The following FSTL4 variants were observed in gnomAD, a reference collection of about 807,000 sequenced individuals.
The protein encoded by FSTL4 is follistatin-related protein 4.
Under a neutral mutation model 78.2 loss-of-function variants are expected in FSTL4, and 28 were observed. The observed-to-expected ratio is 0.36, with a 90% CI of 0.27 to 0.49. The LOEUF is 0.49. Ranked by LOEUF, FSTL4 falls within the 20% of genes least tolerant of loss-of-function variation. The probability of loss-of-function intolerance (pLI) is 0.98; values close to 1 mark genes in which losing one functional copy is unlikely to be tolerated. For synonymous variants in FSTL4, 422 were observed against 440.5 expected (o/e 0.96, Z 0.53); for missense variants, 922 against 1,084.9 (o/e 0.85, Z 2.11).
At chr5:133,628,438 C>A in the FSTL4 span, among the ~76,000 whole-genome samples, 8,172 of 151,612 alleles carry the variant, frequency 0.054, 253 homozygotes, top group Non-Finnish European at 0.078. Flanking sequence ...CAGCTCACTG[C>A]AATCTCCACC....
At position 133,197,423 on chromosome 5, in the gene FSTL4, T is replaced by C. The variant is rs1443095890; in HGVS notation, c.*1672A>G. 2 of 152,238 alleles carry C rather than the reference T, an allele frequency of 1.3e-5. No individual in the cohort carries two copies. Among genetic ancestry groups the C allele is most frequent in the Non-Finnish European group, 2.9e-5 (2 of 68,048 alleles). The allele number at this position is 152,238 out of a possible 1,614,324, so 9.4% of individuals were successfully genotyped here. ...AAAATAAAAAACAGACGTACCTGTC[T>C]AGGCGCACCCCTAGGAGTTACAGGG... On this transcript the variant is annotated 3_prime_UTR_variant, in exon 16 of 16. Transcript: ENST00000265342.
At chr5:133,403,543 A>C (rs2126973686) in intron 3 of FSTL4, among the ~76,000 whole-genome samples, 1 of 152,312 alleles carries the variant, frequency 6.6e-6, no homozygotes, top group Non-Finnish European at 1.5e-5. Flanking sequence ...TGATCTCCTG[A>C]AGGCTAATTC....
the FSTL4 span, among the ~76,000 whole-genome samples, chr5:133,738,513 C>A: frequency 3.9e-5 from 6 of 152,130 alleles, no homozygotes; most frequent in African/African-American, 1.2e-4. Flanking sequence ...GGCTCCAGAT[C>A]CCCTCCCCTG....
At chr5:133,357,063 G>T (rs1754957995) in intron 4 of FSTL4, among the ~76,000 whole-genome samples, 1 of 152,226 alleles carries the variant, frequency 6.6e-6, no homozygotes, top group African/African-American at 2.4e-5. Context: ...GTGGAGCTGG[G>T]GCGGACTGCA....
intron 1 of FSTL4, among the ~76,000 whole-genome samples, chr5:133,605,390 A>C (rs143917646): frequency 1.4e-4 from 22 of 152,308 alleles, no homozygotes; most frequent in African/African-American, 4.6e-4. Flanking sequence ...ATTCAGAAAG[A>C]AGTGGGTGCT....
At chr5:133,415,855 G>C (rs1168411853) in intron 3 of FSTL4, among the ~76,000 whole-genome samples, 1 of 152,266 alleles carries the variant, frequency 6.6e-6, no homozygotes, top group East Asian at 1.9e-4. Context: ...ATGAAAAGAG[G>C]GAACACTAGA....
chr5:133,247,440 C>A (rs1752073920), intron 7 of FSTL4: 1 of 152,138 alleles, frequency 6.6e-6, no homozygotes, highest in African/African-American at 2.4e-5. Flanking sequence ...AGTGGAGCGC[C>A]AAGTAATGCA....
the FSTL4 span, among the ~76,000 whole-genome samples, chr5:133,659,552 G>T: frequency 6.6e-6 from 1 of 151,352 alleles, no homozygotes; most frequent in Non-Finnish European, 1.5e-5. Flanking sequence ...ATTAATGAAT[G>T]ACTTTAAATT....
chr5:133,267,899 C>A lies in FSTL4; in HGVS notation c.728-18323G>T, dbSNP rs1026796124. Reference sequence around the variant, plus strand: ...CAAGAAGGGCTGCATTTAGAAGGCACGTGAGCTACACATTCAGGCTCAGCA... The same window carrying A: ...CAAGAAGGGCTGCATTTAGAAGGCAAGTGAGCTACACATTCAGGCTCAGCA... On this transcript the variant is annotated intron_variant, in intron 6 of 15. Transcript: ENST00000265342. 2.0e-5 allele frequency among the ~76,000 whole-genome samples: 3 copies of A among 152,140 alleles called. No individual in the cohort carries two copies. In the East Asian group the frequency reaches 5.8e-4, roughly 29 times the overall value.
chr5:133,204,705 A>AC (rs1381042508), intron 14 of FSTL4, among the ~76,000 whole-genome samples: 7 of 151,318 alleles, frequency 4.6e-5, no homozygotes, highest in African/African-American at 1.7e-4. Context: ...AATGGCATGT[A>AC]CCTGTAATCC....
At chr5:133,812,165 C>T in the FSTL4 span, among the ~76,000 whole-genome samples, 1 of 152,132 alleles carries the variant, frequency 6.6e-6, no homozygotes, top group Non-Finnish European at 1.5e-5. Flanking sequence ...TTGAATTCAA[C>T]CACCTCTTTC....
chr5:133,673,407 G>T, the FSTL4 span, among the ~76,000 whole-genome samples: 1 of 152,134 alleles, frequency 6.6e-6, no homozygotes, highest in African/African-American at 2.4e-5. Flanking sequence ...TTCCCTCCTG[G>T]CTCTGCTATC....
the FSTL4 span, among the ~76,000 whole-genome samples, chr5:133,776,785 G>T: frequency 4.0e-4 from 61 of 152,266 alleles, no homozygotes; most frequent in Non-Finnish European, 7.4e-4. Context: ...AACAGAGTTA[G>T]CACCAAGGTA....
At chr5:133,541,004 C>T (rs1218933775) in intron 3 of FSTL4, among the ~76,000 whole-genome samples, 1 of 152,124 alleles carries the variant, frequency 6.6e-6, no homozygotes, top group Non-Finnish European at 1.5e-5. Flanking sequence ...CCCCTGCAAG[C>T]TTTCACCAGC....
intron 6 of FSTL4, among the ~76,000 whole-genome samples, chr5:133,305,989 C>T (rs1753646568): frequency 6.6e-6 from 1 of 152,218 alleles, no homozygotes; most frequent in Non-Finnish European, 1.5e-5. Flanking sequence ...GCTGGCCTTC[C>T]CACGGTGGTC....
At chr5:133,271,972 G>T (rs753424299) in intron 6 of FSTL4, among the ~76,000 whole-genome samples, 7 of 152,184 alleles carry the variant, frequency 4.6e-5, no homozygotes, top group Non-Finnish European at 7.3e-5. Context: ...AGAGCAGCCA[G>T]CTTTGACCGG....
chr5:133,407,442 T>A (rs1254687952), intron 3 of FSTL4, among the ~76,000 whole-genome samples: 1 of 152,232 alleles, frequency 6.6e-6, no homozygotes, highest in Non-Finnish European at 1.5e-5. Flanking sequence ...GTGCACTTGA[T>A]GAAAGCAGTT....
the FSTL4 span, among the ~76,000 whole-genome samples, chr5:133,638,176 A>G: frequency 2.0e-5 from 3 of 151,760 alleles, no homozygotes; most frequent in East Asian, 1.9e-4. Context: ...CACTTTCCCA[A>G]TATAGCCTAA....
chr5:133,657,752 G>T, the FSTL4 span, among the ~76,000 whole-genome samples: 205 of 145,294 alleles, frequency 1.4e-3, 1 homozygote, highest in African/African-American at 5.0e-3. Context: ...TGTAAATCTA[G>T]CTTACTGTTT....
Sources: allele counts gnomAD v4.1 joint callset (sites outside exome capture counted in the v4.1 genomes callset), GRCh38; gene constraint gnomAD v4.1.1; transcripts MANE v1.5; gene names NCBI Gene and HGNC (gene_info 2026-07-23, HGNC 2026-07-21).